The following FBN3 variants were observed in gnomAD, a reference collection of about 807,000 sequenced individuals.
FBN3 encodes the protein fibrillin 3, also known as fibrillin-3.
Under a neutral mutation model 330.1 loss-of-function variants are expected in FBN3, and 234 were observed. The ratio of observed to expected loss-of-function variants is 0.71; its 90% CI spans 0.64 to 0.79. The LOEUF is 0.79. Among genes scored for constraint, FBN3 ranks in the 30% least tolerant of loss-of-function variants. FBN3 has a pLI of 0.00. For synonymous variants in FBN3, 1,458 were observed against 1,517.3 expected (o/e 0.96, Z 0.91); for missense variants, 3,606 against 3,886.9 (o/e 0.93, Z 1.92).
intron 40 of FBN3, among the ~76,000 whole-genome samples, chr19:8,102,417 T>C (rs574174556): frequency 8.6e-5 from 13 of 152,022 alleles, no homozygotes; most frequent in African/African-American, 3.1e-4. Flanking sequence ...AGGGTTTCAC[T>C]GTGTTGGCCA....
intron 36 of FBN3, among the ~76,000 whole-genome samples, chr19:8,108,449 G>T (rs77846381): frequency 0.078 from 11,794 of 152,140 alleles, 605 homozygotes; most frequent in Middle Eastern, 0.12. Flanking sequence ...GCATGTGCGT[G>T]TGCATGCGTG....
At position 8,117,600 on chromosome 19, in the gene FBN3, G is replaced by C; in HGVS notation, c.3338-11C>G. On this transcript the variant is annotated splice_polypyrimidine_tract_variant and intron_variant, in intron 26 of 63. Coordinates refer to ENST00000600128, the MANE Select transcript of FBN3 (RefSeq NM_032447.5). ...AGCACTCATCGATGTCTGTGGGGGA[G>C]TGCAGGTGAAAGACGGGCCTGTGCC... The C allele has an allele frequency of 6.5e-7, 1 of 1,529,738 alleles. No homozygotes were observed. The highest frequency in any genetic ancestry group is 8.8e-7 in the Non-Finnish European group (1 of 1,132,988). 94.8% of individuals were successfully genotyped at this position (1,529,738 alleles called of 1,614,324 possible).
chr19:8,142,988 G>T (rs62123277), intron 6 of FBN3, among the ~76,000 whole-genome samples: 39,226 of 151,296 alleles, frequency 0.26, 5,320 homozygotes, highest in South Asian at 0.47. Context: ...CCAGCTTCTA[G>T]TCCCCGGGTC....
chr19:8,137,187 G>T (rs1384738869), intron 10 of FBN3, among the ~76,000 whole-genome samples: 2 of 150,750 alleles, frequency 1.3e-5, no homozygotes, highest in African/African-American at 2.4e-5. Context: ...CTCCAACCTG[G>T]GGTCTAGATC....
chr19:8,113,300 T>C (rs1568413811), intron 30 of FBN3, among the ~76,000 whole-genome samples: 1 of 152,162 alleles, frequency 6.6e-6, no homozygotes, highest in Non-Finnish European at 1.5e-5. Context: ...ATGGTTTCAC[T>C]CTGTCACCCA....
intron 34 of FBN3, 99 bp downstream of exon 34, chr19:8,110,746 T>G: frequency 2.0e-6 from 3 of 1,498,156 alleles, no homozygotes; most frequent in Non-Finnish European, 2.8e-6. Context: ...CAGGGGAGGA[T>G]GCTTGAAAAG....
chr19:8,108,441 A>G (rs1381919118), intron 36 of FBN3, among the ~76,000 whole-genome samples: 1 of 151,982 alleles, frequency 6.6e-6, no homozygotes, highest in East Asian at 1.9e-4. Flanking sequence ...GTGTGTGTGC[A>G]TGTGCGTGTG....
intron 54 of FBN3, among the ~76,000 whole-genome samples, chr19:8,086,622 ATTTTT>A (rs35364392): frequency 7.5e-6 from 1 of 133,590 alleles, no homozygotes; most frequent in Non-Finnish European, 1.6e-5. Context: ...ACGCCCAGCT[ATTTTT>A]TTTTTTTTTT....
chr19:8,131,555 G>A lies in FBN3; in HGVS notation c.1989C>T (p.Ser663=), dbSNP rs774860500. 37 of 1,604,128 alleles carry A rather than the reference G, an allele frequency of 2.3e-5. No individual in the cohort carries two copies. Among genetic ancestry groups the A allele is most frequent in the East Asian group, 9.0e-5 (4 of 44,692 alleles). The change falls in exon 15 of 64, where the codon TCC becomes TCT. Residue 663 remains serine, a splice_region_variant and synonymous_variant. Coordinates refer to ENST00000600128, the MANE Select transcript of FBN3 (RefSeq NM_032447.5). The surrounding 1 kb of genome is among the most constrained non-coding windows in gnomAD (Gnocchi z 4.5). ...GGGACCGGGCAGCCGGATGCTCACC[G>A]GAGTCTTTGGCAGGACAAAGCTGGC... ...EPCQLCPAKD[S]AEFQALCSSG...
Position 8,127,938 on chromosome 19 carries a change from T to C in FBN3, c.2296+1090A>G, listed in dbSNP as rs28562551. ...ATTGCTTGAACCCAGGAGGTGGAGG[T>C]TGCAGTGAGCCGAGATCGCCCCATT... is the stretch of plus-strand genomic sequence containing the variant. On this transcript the variant is annotated intron_variant, in intron 18 of 63. Coordinates refer to ENST00000600128, the MANE Select transcript of FBN3 (RefSeq NM_032447.5). Among the ~76,000 whole-genome samples, 1,485 of 151,978 alleles carry C rather than the reference T, an allele frequency of 9.8e-3. 40 individuals are homozygous for C. Among genetic ancestry groups the C allele is most frequent in the African/African-American group, 0.033 (1,373 of 41,442 alleles).
chr19:8,126,098 T>C, intron 21 of FBN3, 81 bp from the exon 22 acceptor site: 1 of 1,587,494 alleles, frequency 6.3e-7, no homozygotes, highest in Non-Finnish European at 8.6e-7. Flanking sequence ...TCTCAAGTTG[T>C]CCTTGAGGAG....
intron 56 of FBN3, 99 bp downstream of exon 56, chr19:8,085,264 C>A: frequency 1.0e-6 from 1 of 955,438 alleles, no homozygotes; most frequent in Admixed American, 2.7e-5. Context: ...CACAGTGTGG[C>A]TCACACATTC....
chr19:8,091,780 G>A (rs557654300), intron 47 of FBN3, among the ~76,000 whole-genome samples, 190 bp from the exon 48 acceptor site: 20 of 152,268 alleles, frequency 1.3e-4, no homozygotes, highest in Admixed American at 7.2e-4. Flanking sequence ...GGTCCTTCCC[G>A]GAAGGCATCT....
At chr19:8,081,685 C>G (rs772781500) in intron 57 of FBN3, among the ~76,000 whole-genome samples, 1 of 152,176 alleles carries the variant, frequency 6.6e-6, no homozygotes, top group Non-Finnish European at 1.5e-5. Context: ...CTCCATGTGG[C>G]CTTTGTACTA....
chr19:8,129,293 C>A lies in FBN3; in HGVS notation c.2117G>T (p.Arg706Leu), dbSNP rs746777109. The change falls in exon 17 of 64, where the codon CGC becomes CTC. Residue 706 changes from arginine to leucine, a missense_variant. Physicochemically the swap from Arg to Leu is moderately radical, Grantham distance 102. Coordinates refer to ENST00000600128, the MANE Select transcript of FBN3 (RefSeq NM_032447.5). The surrounding 1 kb of genome is among the most constrained non-coding windows in gnomAD (Gnocchi z 4.5). ...CTCATAACCCAGGTTGCAGACACAG[C>A]GGTAGCTGCCCCGAAGGTTCTCGCA... ...GVCENLRGSY[R>L]CVCNLGYEAG... The A allele has an allele frequency of 6.2e-6, 10 of 1,614,028 alleles. No individual in the cohort carries two copies. The highest frequency in any genetic ancestry group is 4.5e-5 in the East Asian group (2 of 44,888).
At position 8,085,505 on chromosome 19, in the gene FBN3, G is replaced by A. The variant is rs1303753658; in HGVS notation, c.6945C>T (p.Ser2315=). 4.4e-6 allele frequency: 7 copies of A among 1,594,848 alleles called. No homozygotes were observed. Among genetic ancestry groups the A allele is most frequent in the Non-Finnish European group, 6.0e-6 (7 of 1,171,296 alleles). Residue 2315 remains serine, a synonymous_variant, in exon 56 of 64, where the codon AGC becomes AGT. Coordinates refer to ENST00000600128, the MANE Select transcript of FBN3 (RefSeq NM_032447.5). ...LQTMCRSLSS[S]SEAVTRAECC... is the part of the protein sequence containing the mutation. ...ACTCGGCCCTGGTGACAGCCTCACT[G>A]CTGCTGGACAGAGACCGGCACATGG...
rs770002957 is a variant in FBN3, at chr19:8,111,651, C to T, written c.4081G>A (p.Glu1361Lys). The change falls in exon 32 of 64, where the codon GAA becomes AAA. Residue 1361 changes from glutamate (E) to lysine (K), a missense_variant. By Grantham distance (56) the Glu-to-Lys change is moderately conservative. Coordinates refer to ENST00000600128, the MANE Select transcript of FBN3 (RefSeq NM_032447.5). ...QGFAGDGFFC[E>K]DRDECAENVD... The stretch of plus-strand genomic sequence containing the variant: ...CCTCCCACCCCTCTAATCTCACCTT[C>T]GCAGAAGAAGCCATCCCCGGCAAAG... 16 of 1,302,726 alleles carry T rather than the reference C, an allele frequency of 1.2e-5. No homozygotes were observed. Among genetic ancestry groups the T allele is most frequent in the Admixed American group, 5.4e-5 (3 of 55,452 alleles). 80.7% of individuals were successfully genotyped at this position (1,302,726 alleles called of 1,614,324 possible). A position where few individuals can be genotyped will look rare whatever the true frequency, so the allele number is the denominator to read the frequency against.
chr19:8,084,361 G>A (rs1275518798), intron 56 of FBN3, among the ~76,000 whole-genome samples: 3 of 151,950 alleles, frequency 2.0e-5, no homozygotes, highest in East Asian at 2.0e-4. Context: ...AGTCCGGAAC[G>A]AGCTCTCACT....
At chr19:8,133,599 T>C (rs1042138051) in intron 13 of FBN3, among the ~76,000 whole-genome samples, 14 of 152,016 alleles carry the variant, frequency 9.2e-5, no homozygotes, top group Admixed American at 2.6e-4. Flanking sequence ...TACAGGCATG[T>C]ACCACCACGC....
Sources: gnomAD v4.1 joint callset for allele counts (sites outside exome capture counted in the v4.1 genomes callset) on GRCh38, gnomAD v4.1.1 for gene constraint, Gnocchi (gnomAD v3.1) non-coding constraint, MANE v1.5 for transcripts, NCBI Gene and HGNC (gene_info 2026-07-23, HGNC 2026-07-21) for gene names.